Variants in ARPC1B observed in about 807,000 individuals in gnomAD.
ARPC1B encodes the protein actin related protein 2/3 complex subunit 1B, also known as actin-related protein 2/3 complex subunit 1B.
Under a neutral mutation model 46.0 loss-of-function variants are expected in ARPC1B, and 29 were observed. The observed-to-expected ratio is 0.63, with a 90% CI of 0.47 to 0.86. The LOEUF (loss-of-function observed/expected upper bound fraction) is 0.86, where lower values mean the gene tolerates loss of function less well. Ranked by LOEUF, ARPC1B falls within the 40% of genes least tolerant of loss-of-function variation. ARPC1B has a pLI of 0.00. For synonymous variants in ARPC1B, 201 were observed against 213.9 expected (o/e 0.94, Z 0.53); for missense variants, 469 against 529.4 (o/e 0.89, Z 1.12).
chr7:99,393,174 T>C (rs931600937), intron 8 of ARPC1B, among the ~76,000 whole-genome samples: 4 of 151,458 alleles, frequency 2.6e-5, no homozygotes, highest in Non-Finnish European at 5.9e-5. Flanking sequence ...GGGTAGGGAG[T>C]GGCTTTGACT....
At chr7:99,379,399 C>G (rs1490134870) in intron 1 of ARPC1B, among the ~76,000 whole-genome samples, 1 of 152,152 alleles carries the variant, frequency 6.6e-6, no homozygotes, top group Non-Finnish European at 1.5e-5. Context: ...AGTTGAGTAA[C>G]CGCTTAGCAC....
intron 3 of ARPC1B, 129 bp downstream of exon 3, chr7:99,386,918 C>G: frequency 1.4e-6 from 1 of 722,518 alleles, no homozygotes; most frequent in South Asian, 1.7e-5. Flanking sequence ...TTCAAACTGG[C>G]TTCAATTTTA....
rs1794402914 is a variant in ARPC1B, at chr7:99,386,755, G to A, written c.135G>A (p.Val45=). 3 of 1,614,136 alleles carry A rather than the reference G, an allele frequency of 1.9e-6. No individual in the cohort carries two copies. The highest frequency in any genetic ancestry group is 1.7e-6 in the Non-Finnish European group (2 of 1,180,006). ...AGAGCGGTGCCAAATGGACCAAGGTGCACGAGCTCAAGGAGCACAACGGGC... is the reference window on the plus strand; with the variant it reads ...AGAGCGGTGCCAAATGGACCAAGGTACACGAGCTCAAGGAGCACAACGGGC... ...YEKSGAKWTK[V]HELKEHNGQV... is the part of the protein sequence containing the mutation. The change falls in exon 3 of 10, where the codon GTG becomes GTA. Residue 45 remains valine, a synonymous_variant. Transcript: ENST00000646101.
chr7:99,390,519 G>A (rs1794537712), intron 5 of ARPC1B, among the ~76,000 whole-genome samples: 1 of 151,940 alleles, frequency 6.6e-6, no homozygotes, highest in Non-Finnish European at 1.5e-5. Flanking sequence ...TGGAACTACA[G>A]GCGCATGCCA....
In ARPC1B at chr7:99,393,066, CCGGACACGAGGGGACGGGG is replaced by C. The variant is rs1794625927; in HGVS notation, c.989+192_989+210del. Among the ~76,000 whole-genome samples the C allele has an allele frequency of 5.1e-4, 77 of 152,084 alleles. 1 individual carries two copies. Among genetic ancestry groups the C allele is most frequent in the Admixed American group, 5.0e-3 (77 of 15,286 alleles). ...GAACGGCGTCTGATGAGCGGCGGGC[CCGGACACGAGGGGACGGGG>C]CCGATTTGTGGGCGGGGCCTTGGCG... On this transcript the variant is annotated intron_variant, in intron 8 of 9. Coordinates refer to ENST00000646101, the MANE Select transcript of ARPC1B (RefSeq NM_005720.4).
chr7:99,392,568 T>G, intron 7 of ARPC1B, 103 bp from the exon 8 acceptor site: 1 of 1,060,228 alleles, frequency 9.4e-7, no homozygotes, highest in Non-Finnish European at 1.3e-6. Context: ...TCTGTATCCT[T>G]GAGCTGGCAT....
At chr7:99,387,580 T>TA (rs965146252) in intron 3 of ARPC1B, among the ~76,000 whole-genome samples, 15 of 151,946 alleles carry the variant, frequency 9.9e-5, no homozygotes, top group African/African-American at 3.6e-4. Context: ...TCTACTAAAA[T>TA]ACAAAAATTA....
At chr7:99,389,700 A>G in intron 4 of ARPC1B, 1 of 571,682 alleles carries the variant, frequency 1.7e-6, no homozygotes, top group Admixed American at 3.1e-5. Context: ...TAGAGGGCAC[A>G]GAGTTCCCAC....
intron 1 of ARPC1B, among the ~76,000 whole-genome samples, chr7:99,384,415 C>G (rs1055786166): frequency 2.0e-5 from 3 of 150,434 alleles, no homozygotes; most frequent in Non-Finnish European, 4.4e-5. Flanking sequence ...TGTGAGACCC[C>G]CCTCTCTACA....
intron 1 of ARPC1B, among the ~76,000 whole-genome samples, chr7:99,380,712 T>C (rs1479723811): frequency 1.3e-5 from 2 of 152,230 alleles, no homozygotes; most frequent in South Asian, 2.1e-4. Flanking sequence ...AGGGCAGAGA[T>C]GTGGCTGGGC....
At chr7:99,383,456 C>T (rs1228274875) in intron 1 of ARPC1B, among the ~76,000 whole-genome samples, 3 of 152,142 alleles carry the variant, frequency 2.0e-5, no homozygotes, top group East Asian at 3.9e-4. Flanking sequence ...GAAATAGAAA[C>T]GAGAACAAGA....
At chr7:99,383,379 G>T (rs1391508853) in intron 1 of ARPC1B, among the ~76,000 whole-genome samples, 1 of 152,106 alleles carries the variant, frequency 6.6e-6, no homozygotes, top group East Asian at 1.9e-4. Context: ...GGTCACTAAT[G>T]GCAATGAAAA....
Position 99,394,668 on chromosome 7 carries a change from G to A in ARPC1B, c.*179G>A, listed in dbSNP as rs368440464. The A allele has an allele frequency of 9.8e-6, 13 of 1,328,428 alleles. No individual in the cohort carries two copies. Among genetic ancestry groups the A allele is most frequent in the East Asian group, 8.5e-5 (3 of 35,368 alleles). 82.3% of individuals were successfully genotyped at this position (1,328,428 alleles called of 1,614,324 possible). ...CTTTTCTTACCTATTCAAGGAATACGTGCCTTTTTCTTAAATGCTTTCATT... is the reference window on the plus strand; with the variant it reads ...CTTTTCTTACCTATTCAAGGAATACATGCCTTTTTCTTAAATGCTTTCATT... On this transcript the variant is annotated 3_prime_UTR_variant, in exon 10 of 10. Transcript: ENST00000646101.
At chr7:99,393,486 C>T (rs1284087637) in intron 8 of ARPC1B, among the ~76,000 whole-genome samples, 1 of 151,862 alleles carries the variant, frequency 6.6e-6, no homozygotes, top group Middle Eastern at 3.2e-3. Flanking sequence ...TAGCACTTAG[C>T]GAGGTGGGGG....
chr7:99,384,638 G>A (rs1584403408), intron 1 of ARPC1B, among the ~76,000 whole-genome samples: 1 of 152,184 alleles, frequency 6.6e-6, no homozygotes, highest in East Asian at 1.9e-4. Flanking sequence ...GCCTAGCCCT[G>A]TGCCTCCTCC....
At chr7:99,387,514 G>C (rs1794429884) in intron 3 of ARPC1B, among the ~76,000 whole-genome samples, 1 of 152,154 alleles carries the variant, frequency 6.6e-6, no homozygotes, top group Non-Finnish European at 1.5e-5. Flanking sequence ...GAGGCGGGCG[G>C]ATCACCTGAG....
At chr7:99,390,804 C>T (rs1794548038) in intron 5 of ARPC1B, 89 bp from the exon 6 acceptor site, 1 of 1,228,868 alleles carries the variant, frequency 8.1e-7, no homozygotes, top group Non-Finnish European at 1.1e-6. Context: ...TTCAAGCAAT[C>T]CTCCCGCCTC....
intron 1 of ARPC1B, among the ~76,000 whole-genome samples, chr7:99,379,632 G>C (rs1042905712): frequency 3.3e-5 from 5 of 152,090 alleles, no homozygotes; most frequent in African/African-American, 1.2e-4. Flanking sequence ...GGATTAAGAT[G>C]GGAGGGAAAT....
chr7:99,394,242 G>A (rs1303993413), intron 9 of ARPC1B, 123 bp downstream of exon 9: 9 of 1,234,300 alleles, frequency 7.3e-6, no homozygotes, highest in Admixed American at 5.8e-5. Context: ...ATGGGGATGA[G>A]GGGTGGGGGC....
Sources: gnomAD v4.1 joint callset for allele counts (sites outside exome capture counted in the v4.1 genomes callset) on GRCh38, gnomAD v4.1.1 for gene constraint, MANE v1.5 for transcripts, NCBI Gene and HGNC (gene_info 2026-07-23, HGNC 2026-07-21) for gene names.